Variants in CTNND2 observed in about 807,000 individuals in gnomAD.
The protein encoded by CTNND2 is catenin delta 2.
A neutral mutation model predicts 144.4 loss-of-function variants in CTNND2; 22 were observed. That is an observed-to-expected ratio of 0.15 (90% confidence interval 0.11 to 0.22). CTNND2 has a LOEUF of 0.22. CTNND2 is among the 10% of genes least tolerant of loss of function. The probability of loss-of-function intolerance (pLI) is 1.00; values close to 1 mark genes in which losing one functional copy is unlikely to be tolerated. For missense variants in CTNND2, 1,353 were observed against 1,618.8 expected (o/e 0.84, Z 2.82); for synonymous variants, 751 against 695.6 (o/e 1.08, Z -1.25).
intron 9 of CTNND2, among the ~76,000 whole-genome samples, chr5:11,277,522 A>G (rs565176917): frequency 6.7e-6 from 1 of 148,368 alleles, no homozygotes; most frequent in South Asian, 2.2e-4. Context: ...TTATTTATTT[A>G]TTTATTTATT....
At chr5:11,622,507 T>C (rs574879923) in intron 2 of CTNND2, among the ~76,000 whole-genome samples, 1 of 152,178 alleles carries the variant, frequency 6.6e-6, no homozygotes, top group Non-Finnish European at 1.5e-5. Context: ...TTCATATGGG[T>C]TCATAAACTG....
At chr5:11,584,424 T>TG (rs1554089391) in intron 2 of CTNND2, among the ~76,000 whole-genome samples, 3,244 of 116,712 alleles carry the variant, frequency 0.028, 82 homozygotes, top group Non-Finnish European at 0.045. Context: ...TATATTTTTT[T>TG]TGGGGGGGGG....
At chr5:11,823,501 T>C (rs1581955431) in intron 1 of CTNND2, among the ~76,000 whole-genome samples, 1 of 152,210 alleles carries the variant, frequency 6.6e-6, no homozygotes, top group East Asian at 1.9e-4. Context: ...ACTGAGGATA[T>C]TTTCATTGCT....
intron 1 of CTNND2, among the ~76,000 whole-genome samples, chr5:11,891,271 C>T (rs938263030): frequency 6.6e-6 from 1 of 152,174 alleles, no homozygotes; most frequent in Non-Finnish European, 1.5e-5. Flanking sequence ...TTAAACTGAG[C>T]TGAATAATCA....
intron 15 of CTNND2, among the ~76,000 whole-genome samples, chr5:11,090,390 G>A (rs1276301733): frequency 2.0e-5 from 3 of 152,230 alleles, no homozygotes; most frequent in Non-Finnish European, 4.4e-5. Context: ...TAGGGCAGAA[G>A]GCCCCAACCC....
chr5:11,144,676 G>T (rs1443403415), intron 12 of CTNND2, among the ~76,000 whole-genome samples: 2 of 152,144 alleles, frequency 1.3e-5, no homozygotes, highest in Admixed American at 6.5e-5. Flanking sequence ...GTGGGAAGAA[G>T]CTGTATTTCT....
At chr5:11,587,175 A>T (rs1009523327) in intron 2 of CTNND2, among the ~76,000 whole-genome samples, 1 of 152,150 alleles carries the variant, frequency 6.6e-6, no homozygotes, top group East Asian at 1.9e-4. Flanking sequence ...GAGACTTCAT[A>T]GTCATTTACT....
chr5:11,519,264 C>T (rs924376375), intron 3 of CTNND2, among the ~76,000 whole-genome samples: 1 of 152,108 alleles, frequency 6.6e-6, no homozygotes, highest in Non-Finnish European at 1.5e-5. Flanking sequence ...TTCAAAAAAG[C>T]TTTCACTTCT....
chr5:11,269,759 T>C (rs1177593773), intron 9 of CTNND2, among the ~76,000 whole-genome samples: 1 of 152,216 alleles, frequency 6.6e-6, no homozygotes, highest in Admixed American at 6.5e-5. Flanking sequence ...CCCTGCAGAA[T>C]GATTTTTACA....
intron 3 of CTNND2, among the ~76,000 whole-genome samples, chr5:11,455,109 CT>C (rs1169939083): frequency 1.3e-5 from 2 of 151,212 alleles, no homozygotes; most frequent in African/African-American, 4.9e-5. Flanking sequence ...TTGGTTGTTC[CT>C]TTGGGTTGGC....
At chr5:11,521,020 G>A (rs1417619330) in intron 3 of CTNND2, among the ~76,000 whole-genome samples, 1 of 152,036 alleles carries the variant, frequency 6.6e-6, no homozygotes, top group South Asian at 2.1e-4. Flanking sequence ...ATTGTTTTCC[G>A]ATTTTCTATA....
At chr5:11,559,786 C>T (rs1776539286) in intron 3 of CTNND2, among the ~76,000 whole-genome samples, 1 of 152,186 alleles carries the variant, frequency 6.6e-6, no homozygotes, top group East Asian at 1.9e-4. Context: ...GGGCTACAGT[C>T]CACATCCTCA....
rs571360947 is a variant in CTNND2 at position 11,518,334 on chromosome 5, T to C, written c.287+46610A>G. Among the ~76,000 whole-genome samples, 3 of 151,614 alleles carry C rather than the reference T, an allele frequency of 2.0e-5. No homozygotes were observed. In the East Asian group the frequency reaches 5.8e-4, roughly 29 times the overall value. On this transcript the variant is annotated intron_variant, in intron 3 of 21. Coordinates refer to ENST00000304623, the MANE Select transcript of CTNND2 (RefSeq NM_001332.4). The stretch of plus-strand genomic sequence containing the variant: ...GAAATATTTTTGTACAGCTGTACAA[T>C]TTGTGTTTTAAGCCAAGTGCTATTA...
chr5:11,346,762 C>A, intron 8 of CTNND2, 135 bp from the exon 9 acceptor site: 4 of 837,012 alleles, frequency 4.8e-6, no homozygotes, highest in Non-Finnish European at 6.7e-6. Flanking sequence ...AAAATTAATC[C>A]ATCATATTTG....
At chr5:11,455,193 C>A (rs1765630300) in intron 3 of CTNND2, among the ~76,000 whole-genome samples, 1 of 151,360 alleles carries the variant, frequency 6.6e-6, no homozygotes, top group Non-Finnish European at 1.5e-5. Flanking sequence ...AAGCAGAGGA[C>A]TGAAAAATGG....
intron 2 of CTNND2, among the ~76,000 whole-genome samples, chr5:11,698,215 C>G (rs1328314872): frequency 6.6e-6 from 1 of 152,128 alleles, no homozygotes; most frequent in Non-Finnish European, 1.5e-5. Context: ...ACTCCCCAAC[C>G]AAGCCCTCCA....
intron 9 of CTNND2, among the ~76,000 whole-genome samples, chr5:11,330,736 T>G (rs539544596): frequency 6.9e-6 from 1 of 145,086 alleles, no homozygotes; most frequent in Admixed American, 7.1e-5. Flanking sequence ...TAGGCCAAGA[T>G]AGCACCACTG....
intron 11 of CTNND2, among the ~76,000 whole-genome samples, chr5:11,184,352 T>G (rs2149805215): frequency 6.6e-6 from 1 of 152,356 alleles, no homozygotes; most frequent in South Asian, 2.1e-4. Flanking sequence ...TTTAATTAAC[T>G]GCACAGATAA....
At chr5:11,588,883 C>T (rs1779047343) in intron 2 of CTNND2, 2 of 985,342 alleles carry the variant, frequency 2.0e-6, no homozygotes, top group African/African-American at 3.5e-5. Context: ...CTACCCACCT[C>T]CCTCCTCCCT....
Sources: gnomAD v4.1 joint callset for allele counts (sites outside exome capture counted in the v4.1 genomes callset) on GRCh38, gnomAD v4.1.1 for gene constraint, MANE v1.5 for transcripts, NCBI Gene and HGNC (gene_info 2026-07-23, HGNC 2026-07-21) for gene names.